The following PTPRG variants were observed in gnomAD, a reference collection of about 807,000 sequenced individuals.
The protein encoded by PTPRG is receptor-type tyrosine-protein phosphatase gamma.
In PTPRG, 102 loss-of-function variants were observed where a neutral mutation model predicts 165.3. That is an observed-to-expected ratio of 0.62 (90% CI 0.53 to 0.73). The LOEUF (loss-of-function observed/expected upper bound fraction) is 0.73, where lower values mean the gene tolerates loss of function less well. PTPRG is among the 30% of genes least tolerant of loss of function. The pLI, the probability that PTPRG is intolerant of heterozygous loss-of-function variation, is 0.00. For synonymous variants in PTPRG, 675 were observed against 669.5 expected (o/e 1.01, Z -0.13); for missense variants, 1,866 against 1,861.4 (o/e 1.00, Z -0.05).
rs763270072 is a variant in PTPRG at position 62,269,163 on chromosome 3, G to C, written c.3003G>C (p.Val1001=). 1.9e-6 allele frequency: 3 copies of C among 1,577,468 alleles called. No homozygotes were observed. Among genetic ancestry groups the C allele is most frequent in the Non-Finnish European group, 2.6e-6 (3 of 1,154,330 alleles). ...GTTTTTCAATCAGAAATACAAAAGTGAAAAAGGTATGGAAGGAATTGGGTA... is the reference window on the plus strand; with the variant it reads ...GTTTTTCAATCAGAAATACAAAAGTCAAAAAGGTATGGAAGGAATTGGGTA... The part of the protein sequence containing the change: ...VRRFSIRNTK[V]KKGQKGNPKG... Residue 1001 remains valine, a synonymous_variant, in exon 20 of 30, where the codon GTG becomes GTC. Transcript: ENST00000474889.
chr3:61,708,549 G>A (rs867685006), intron 1 of PTPRG, among the ~76,000 whole-genome samples: 3 of 148,444 alleles, frequency 2.0e-5, no homozygotes, highest in Middle Eastern at 7.4e-3. Flanking sequence ...GTGCCCCCTG[G>A]GTTCATGCCA....
chr3:62,228,543 AAAAG>A lies in PTPRG; in HGVS notation c.2289-2678_2289-2675del, dbSNP rs1185970853. 6.6e-6 allele frequency among the ~76,000 whole-genome samples: 1 copy of A among 152,028 alleles called. No individual in the cohort carries two copies. The highest frequency in any genetic ancestry group is 1.9e-4 in the East Asian group (1 of 5,182). On this transcript the variant is annotated intron_variant, in intron 13 of 29. Transcript: ENST00000474889. The surrounding 1 kb of genome is among the most constrained non-coding windows in gnomAD (Gnocchi z 4.1). ...AAAAAAAAGAAAGAAAGAAAAAAGA[AAAAG>A]AAAAAGGACAAGTGCTCCAGGCAGA...
chr3:61,844,050 G>A (rs957754606), intron 2 of PTPRG, among the ~76,000 whole-genome samples: 16 of 147,582 alleles, frequency 1.1e-4, no homozygotes, highest in African/African-American at 4.0e-4. Context: ...TGCAAATTCC[G>A]CCTCCCGGTT....
At chr3:62,268,434 CAT>C (rs764574299) in intron 19 of PTPRG, among the ~76,000 whole-genome samples, 8 of 152,248 alleles carry the variant, frequency 5.3e-5, no homozygotes, top group Admixed American at 6.5e-5. Flanking sequence ...CACTATGGCA[CAT>C]GATTCCCTAT....
At chr3:62,263,540 T>C (rs1308675105) in intron 17 of PTPRG, 1 of 152,604 alleles carries the variant, frequency 6.6e-6, no homozygotes, top group Non-Finnish European at 1.5e-5. Flanking sequence ...GCATATAATA[T>C]ATGCTTTGAT....
intron 1 of PTPRG, among the ~76,000 whole-genome samples, chr3:61,585,092 C>A (rs1700400901): frequency 6.6e-6 from 1 of 150,694 alleles, no homozygotes; most frequent in East Asian, 2.0e-4. Context: ...ACCAGCCTGG[C>A]CAACATGGCA....
chr3:62,225,086 G>A (rs1214225881), intron 13 of PTPRG, among the ~76,000 whole-genome samples: 1 of 152,130 alleles, frequency 6.6e-6, no homozygotes, highest in Non-Finnish European at 1.5e-5. Context: ...CAGAGCTATT[G>A]GAAATAAGGG....
intron 18 of PTPRG, 88 bp downstream of exon 18, chr3:62,267,580 C>T: frequency 6.6e-7 from 1 of 1,525,990 alleles, no homozygotes; most frequent in African/African-American, 1.4e-5. Context: ...CTGTACAGAG[C>T]TTTCACTAAA....
intron 2 of PTPRG, among the ~76,000 whole-genome samples, chr3:61,795,827 C>T (rs941539852): frequency 6.6e-6 from 1 of 151,986 alleles, no homozygotes; most frequent in African/African-American, 2.4e-5. Context: ...TCTCCCCACC[C>T]CCATTACAAA....
At chr3:61,611,734 C>T (rs1456497545) in intron 1 of PTPRG, among the ~76,000 whole-genome samples, 3 of 152,126 alleles carry the variant, frequency 2.0e-5, no homozygotes, top group African/African-American at 7.2e-5. Context: ...CAGAAGTAGC[C>T]ACAGACAGTA....
chr3:61,934,407 A>G (rs572238166), intron 2 of PTPRG, among the ~76,000 whole-genome samples: 8 of 151,900 alleles, frequency 5.3e-5, no homozygotes, highest in Admixed American at 2.6e-4. Flanking sequence ...TGCATTTGCA[A>G]TCCTGTTTTT....
rs538060063 is a variant in PTPRG, at chr3:61,928,422, T to C, written c.191-61203T>C. 5.3e-5 allele frequency among the ~76,000 whole-genome samples: 8 copies of C among 152,340 alleles called. No individual in the cohort carries two copies. In the East Asian group the frequency reaches 1.5e-3, roughly 29 times the overall value. On this transcript the variant is annotated intron_variant, in intron 2 of 29. Coordinates refer to ENST00000474889, the MANE Select transcript of PTPRG (RefSeq NM_002841.4). ...CAGACTTATTTTGCCTGAGTCCATT[T>C]TTTTAATCCCCTACTTTCTACTTGA...
intron 4 of PTPRG, among the ~76,000 whole-genome samples, chr3:62,025,316 T>C (rs2041781128): frequency 6.6e-6 from 1 of 152,232 alleles, no homozygotes; most frequent in Admixed American, 6.5e-5. Context: ...CTTTACATTT[T>C]GCTTTGGTGT....
At chr3:61,985,994 A>T (rs2040751654) in intron 2 of PTPRG, among the ~76,000 whole-genome samples, 1 of 152,236 alleles carries the variant, frequency 6.6e-6, no homozygotes, top group Non-Finnish European at 1.5e-5. Context: ...TGAAGTTGAC[A>T]TCCTGGCTCT....
chr3:61,972,750 T>C (rs2040413319), intron 2 of PTPRG, among the ~76,000 whole-genome samples: 1 of 151,498 alleles, frequency 6.6e-6, no homozygotes, highest in Admixed American at 6.6e-5. Context: ...TCTCCCGGGC[T>C]CAAGTGATAC....
intron 2 of PTPRG, among the ~76,000 whole-genome samples, chr3:61,897,820 T>C (rs762517560): frequency 6.6e-6 from 1 of 152,178 alleles, no homozygotes; most frequent in Non-Finnish European, 1.5e-5. Flanking sequence ...TTCTCTAGAG[T>C]ACAGTTATAA....
chr3:62,137,274 C>G (rs1703743939), intron 6 of PTPRG, among the ~76,000 whole-genome samples: 1 of 152,098 alleles, frequency 6.6e-6, no homozygotes, highest in African/African-American at 2.4e-5. Context: ...GTGGCCATTT[C>G]TGATGAAAAT....
chr3:61,932,681 A>G (rs2039390175), intron 2 of PTPRG, among the ~76,000 whole-genome samples: 2 of 152,168 alleles, frequency 1.3e-5, no homozygotes, highest in Non-Finnish European at 2.9e-5. Flanking sequence ...ACTTGGCAGA[A>G]TTGCACAGTA....
intron 2 of PTPRG, among the ~76,000 whole-genome samples, chr3:61,751,965 G>A (rs1319013846): frequency 6.6e-6 from 1 of 152,004 alleles, no homozygotes; most frequent in African/African-American, 2.4e-5. Flanking sequence ...CTGCACTCCA[G>A]CCTGGGTGAC....
Sources: allele counts gnomAD v4.1 joint callset (sites outside exome capture counted in the v4.1 genomes callset), GRCh38; gene constraint gnomAD v4.1.1; non-coding constraint Gnocchi (gnomAD v3.1); transcripts MANE v1.5; gene names NCBI Gene and HGNC (gene_info 2026-07-23, HGNC 2026-07-21).